The following IGF1R variants were observed in gnomAD, a reference collection of about 807,000 sequenced individuals.
IGF1R encodes the protein insulin-like growth factor 1 receptor.
Under a neutral mutation model 144.6 loss-of-function variants are expected in IGF1R, and 44 were observed. The observed-to-expected ratio is 0.30, with a 90% CI of 0.24 to 0.39. The LOEUF (loss-of-function observed/expected upper bound fraction) is 0.39. Among genes scored for constraint, IGF1R ranks in the 10% least tolerant of loss-of-function variants. IGF1R has a pLI of 1.00. For missense variants in IGF1R, 1,355 were observed against 1,833.7 expected, an observed-to-expected ratio of 0.74 and a Z score of 4.77; for synonymous variants, 795 against 722.8, an observed-to-expected ratio of 1.10 and a Z score of -1.60.
At chr15:98,839,019 C>T (rs1050611422) in intron 2 of IGF1R, among the ~76,000 whole-genome samples, 3 of 152,204 alleles carry the variant, frequency 2.0e-5, no homozygotes, top group Non-Finnish European at 2.9e-5. Flanking sequence ...AGTGAAGAGG[C>T]CACTGGGTTT....
At chr15:98,798,019 G>A (rs928375251) in intron 2 of IGF1R, among the ~76,000 whole-genome samples, 1 of 152,224 alleles carries the variant, frequency 6.6e-6, no homozygotes, top group African/African-American at 2.4e-5. Flanking sequence ...CCCAGCGAGG[G>A]AAAGATCTCC....
intron 2 of IGF1R, among the ~76,000 whole-genome samples, chr15:98,841,706 GTGTT>G (rs1200928810): frequency 5.3e-5 from 8 of 152,208 alleles, no homozygotes; most frequent in African/African-American, 1.9e-4. Context: ...TTGGAAAAGT[GTGTT>G]TGAGAAACAA....
chr15:98,896,305 A>C (rs1006702838), intron 3 of IGF1R, among the ~76,000 whole-genome samples: 1 of 152,124 alleles, frequency 6.6e-6, no homozygotes, highest in Non-Finnish European at 1.5e-5. Flanking sequence ...AGGCAGAGAC[A>C]CTGCACTCCC....
At position 98,654,675 on chromosome 15, in the gene IGF1R, G is replaced by A. The variant is rs559553641; in HGVS notation, c.94+5000G>A. On this transcript the variant is annotated intron_variant, in intron 1 of 20. Coordinates refer to ENST00000650285, the MANE Select transcript of IGF1R (RefSeq NM_000875.5). ...CCTAGTTCATGGAAGAGGTATTTGC[G>A]CCTGTGGGCGAACTTGATTTGAACT... Among the ~76,000 whole-genome samples, 7 of 152,126 alleles carry A rather than the reference G, an allele frequency of 4.6e-5. No individual in the cohort carries two copies. In the East Asian group the frequency reaches 9.7e-4, roughly 21 times the overall value.
chr15:98,882,050 TATTCTTA>T (rs2141632070), intron 2 of IGF1R, among the ~76,000 whole-genome samples: 1 of 152,310 alleles, frequency 6.6e-6, no homozygotes, highest in Non-Finnish European at 1.5e-5. Flanking sequence ...TGATGATAGT[TATTCTTA>T]AGATCACACA....
chr15:98,926,932 T>G (rs1046654092), intron 13 of IGF1R, among the ~76,000 whole-genome samples: 1 of 152,202 alleles, frequency 6.6e-6, no homozygotes, highest in African/African-American at 2.4e-5. Context: ...GCTTGCTTGC[T>G]TTCTATCTTT....
chr15:98,840,924 G>A (rs1219954441), intron 2 of IGF1R, among the ~76,000 whole-genome samples: 3 of 151,998 alleles, frequency 2.0e-5, no homozygotes, highest in South Asian at 2.1e-4. Context: ...CAGGTGATCC[G>A]CCCGCCTCGG....
chr15:98,867,506 T>G (rs1345506369), intron 2 of IGF1R, among the ~76,000 whole-genome samples: 1 of 152,194 alleles, frequency 6.6e-6, no homozygotes, highest in Non-Finnish European at 1.5e-5. Context: ...CTGCCTTGCA[T>G]ATGCCTTGCC....
intron 2 of IGF1R, among the ~76,000 whole-genome samples, chr15:98,750,997 C>A (rs1249740827): frequency 6.6e-6 from 1 of 151,972 alleles, no homozygotes; most frequent in Non-Finnish European, 1.5e-5. Context: ...CATCATGTTG[C>A]CCAGGCTCAT....
chr15:98,761,686 A>C (rs2055299194), intron 2 of IGF1R, among the ~76,000 whole-genome samples: 1 of 152,224 alleles, frequency 6.6e-6, no homozygotes, highest in South Asian at 2.1e-4. Context: ...CCAGTGGCTT[A>C]GTGGTCTTAC....
At chr15:98,862,605 G>T (rs1326400946) in intron 2 of IGF1R, among the ~76,000 whole-genome samples, 2 of 152,292 alleles carry the variant, frequency 1.3e-5, no homozygotes, top group African/African-American at 4.8e-5. Flanking sequence ...TTATCTTGAG[G>T]TGCACGGCTT....
intron 2 of IGF1R, among the ~76,000 whole-genome samples, chr15:98,881,570 G>T (rs2013381649): frequency 6.6e-6 from 1 of 152,288 alleles, no homozygotes; most frequent in East Asian, 1.9e-4. Context: ...TGATCCACCC[G>T]TCTCGGCCTT....
At chr15:98,908,190 C>G (rs183034479) in intron 5 of IGF1R, among the ~76,000 whole-genome samples, 47 of 152,322 alleles carry the variant, frequency 3.1e-4, no homozygotes, top group Admixed American at 3.3e-4. Context: ...GTTGACCCCC[C>G]ACAAGCTTGT....
chr15:98,779,849 G>A (rs2055812326), intron 2 of IGF1R, among the ~76,000 whole-genome samples: 1 of 152,144 alleles, frequency 6.6e-6, no homozygotes, highest in African/African-American at 2.4e-5. Flanking sequence ...AGATGACAGA[G>A]GCGAACCCAA....
chr15:98,899,157 C>T (rs571141779), intron 4 of IGF1R, among the ~76,000 whole-genome samples: 4 of 152,326 alleles, frequency 2.6e-5, no homozygotes, highest in African/African-American at 9.6e-5. Context: ...TATTAAAAGA[C>T]GTTCCCTACA....
At chr15:98,818,077 T>A (rs1257346449) in intron 2 of IGF1R, among the ~76,000 whole-genome samples, 8 of 152,140 alleles carry the variant, frequency 5.3e-5, no homozygotes, top group Admixed American at 5.2e-4. Context: ...CTTCACTGAT[T>A]AAGGACATTA....
intron 3 of IGF1R, among the ~76,000 whole-genome samples, chr15:98,892,690 G>T (rs2013988948): frequency 6.6e-6 from 1 of 152,134 alleles, no homozygotes; most frequent in Admixed American, 6.5e-5. Context: ...AGCAAAAGAA[G>T]ATTGGAGATT....
At chr15:98,846,724 C>T (rs548364145) in intron 2 of IGF1R, among the ~76,000 whole-genome samples, 2 of 152,312 alleles carry the variant, frequency 1.3e-5, no homozygotes, top group East Asian at 3.9e-4. Flanking sequence ...CTTATGCTGC[C>T]TTAAAGGCAT....
intron 19 of IGF1R, among the ~76,000 whole-genome samples, chr15:98,944,935 C>G (rs1459932498): frequency 6.6e-6 from 1 of 152,244 alleles, no homozygotes; most frequent in Non-Finnish European, 1.5e-5. Flanking sequence ...ATACCTTGCT[C>G]TGTTCTTGAT....
Sources: gnomAD v4.1 joint callset for allele counts (sites outside exome capture counted in the v4.1 genomes callset) on GRCh38, gnomAD v4.1.1 for gene constraint, MANE v1.5 for transcripts, NCBI Gene and HGNC (gene_info 2026-07-23, HGNC 2026-07-21) for gene names.